PPWD1: variants seen among roughly 807,000 people sequenced by gnomAD.
PPWD1 encodes the protein peptidylprolyl isomerase domain and WD repeat-containing protein 1.
PPWD1 carries 43 observed loss-of-function variants against 68.8 expected under a neutral mutation model. The ratio of observed to expected loss-of-function variants is 0.62; its 90% CI spans 0.49 to 0.81. The LOEUF is 0.81. Among genes scored for constraint, PPWD1 ranks in the 30% least tolerant of loss-of-function variants. The pLI is 0.00. For synonymous variants in PPWD1, 232 were observed against 258.7 expected, an observed-to-expected ratio of 0.90 and a Z score of 0.99; for missense variants, 672 against 804.8, an observed-to-expected ratio of 0.83 and a Z score of 2.00.
chr5:65,571,042 C>T (rs1473661473), intron 4 of PPWD1, among the ~76,000 whole-genome samples: 1 of 152,142 alleles, frequency 6.6e-6, no homozygotes, highest in Non-Finnish European at 1.5e-5. Context: ...CTGTCTTGAT[C>T]ACCTGTCCTA....
intron 7 of PPWD1, among the ~76,000 whole-genome samples, chr5:65,582,231 C>T: frequency 6.6e-6 from 1 of 152,152 alleles, no homozygotes; most frequent in East Asian, 1.9e-4. Context: ...AGCATTTCTA[C>T]TTAAAGAAAC....
intron 8 of PPWD1, among the ~76,000 whole-genome samples, chr5:65,583,792 A>AT (rs869164829): frequency 9.2e-5 from 14 of 151,916 alleles, no homozygotes; most frequent in East Asian, 7.7e-4. Context: ...CTTAAAAAAA[A>AT]TTTTTTTTTA....
chr5:65,583,306 G>A (rs555057384), intron 8 of PPWD1, 87 bp downstream of exon 8: 32 of 1,269,612 alleles, frequency 2.5e-5, no homozygotes, highest in South Asian at 9.4e-5. Flanking sequence ...TAAAATTCCC[G>A]TTACTTTGAC....
At chr5:65,581,673 A>G (rs1054398317) in intron 7 of PPWD1, among the ~76,000 whole-genome samples, 3 of 152,216 alleles carry the variant, frequency 2.0e-5, no homozygotes, top group Non-Finnish European at 2.9e-5. Context: ...CAAAAAACTT[A>G]TATTTTTTCT....
At chr5:65,582,270 A>C (rs930814053) in intron 7 of PPWD1, among the ~76,000 whole-genome samples, 1 of 152,190 alleles carries the variant, frequency 6.6e-6, no homozygotes, top group African/African-American at 2.4e-5. Context: ...AGTTTTAACA[A>C]CTGAAAGGTT....
At chr5:65,574,135 G>A (rs1307110758) in intron 5 of PPWD1, among the ~76,000 whole-genome samples, 1 of 152,130 alleles carries the variant, frequency 6.6e-6, no homozygotes, top group Non-Finnish European at 1.5e-5. Context: ...TTCTAGTGGC[G>A]ATCTTGATTT....
chr5:65,574,060 C>T (rs1032876423), intron 5 of PPWD1, among the ~76,000 whole-genome samples: 1 of 152,142 alleles, frequency 6.6e-6, no homozygotes, highest in Non-Finnish European at 1.5e-5. Flanking sequence ...GTTCTTTTGT[C>T]CTTGGCAGTG....
intron 8 of PPWD1, 45 bp from the exon 9 acceptor site, chr5:65,584,969 A>G (rs1753763909): frequency 1.9e-6 from 3 of 1,591,684 alleles, no homozygotes; most frequent in Non-Finnish European, 1.7e-6. Flanking sequence ...AACTGTTTTA[A>G]GATGCTCTGA....
intron 2 of PPWD1, 161 bp downstream of exon 2, chr5:65,567,776 A>G: frequency 8.0e-7 from 1 of 1,251,182 alleles, no homozygotes; most frequent in East Asian, 2.7e-5. Flanking sequence ...TATATCGTAC[A>G]AATAATGCAT....
At chr5:65,563,945 G>T (rs1257741886) in intron 1 of PPWD1, 3 of 1,075,130 alleles carry the variant, frequency 2.8e-6, no homozygotes, top group African/African-American at 3.1e-5. Flanking sequence ...TTCGAATCAT[G>T]GTAGGTAAAG....
Position 65,586,182 on chromosome 5 carries a change from G to GT in PPWD1, c.1797+2dup, listed in dbSNP as rs2150611754. 2.5e-6 allele frequency: 4 copies of GT among 1,610,278 alleles called. No homozygotes were observed. The highest frequency in any genetic ancestry group is 3.4e-6 in the Non-Finnish European group (4 of 1,177,786). Reference sequence around the variant, plus strand: ...GTTTTTCATAACGGTAGTACCAACGGTAAGTACAGTATCATTGTTTATAAA... The same window carrying GT: ...GTTTTTCATAACGGTAGTACCAACGGTTAAGTACAGTATCATTGTTTATAAA... On this transcript the variant is annotated splice_donor_variant, in intron 10 of 10. Coordinates refer to ENST00000261308, the MANE Select transcript of PPWD1 (RefSeq NM_015342.4). LOFTEE classifies it high-confidence loss of function.
In PPWD1 at chr5:65,569,021, A is replaced by G. The variant is rs952937206; in HGVS notation, c.300-611A>G. ...CAAGTACATTTAACATTTTAAAACT[A>G]TTTCCTACTTATAAAATGATGATAA... On this transcript the variant is annotated intron_variant, in intron 2 of 10. Coordinates refer to ENST00000261308, the MANE Select transcript of PPWD1 (RefSeq NM_015342.4). The G allele has an allele frequency of 4.0e-5, 18 of 455,672 alleles. No homozygotes were observed. In the East Asian group the frequency reaches 1.3e-3, roughly 32 times the overall value. The allele number at this position is 455,672 out of a possible 1,614,324, so 28.2% of individuals were successfully genotyped here. A position where few individuals can be genotyped will look rare whatever the true frequency, so the allele number is the denominator to read the frequency against.
chr5:65,564,254 GCTCAAAT>G (rs1752540491), intron 1 of PPWD1, among the ~76,000 whole-genome samples: 2 of 150,900 alleles, frequency 1.3e-5, no homozygotes, highest in East Asian at 3.9e-4. Context: ...TGTGGTCTAA[GCTCAAAT>G]CGTACTTTAG....
chr5:65,569,501 TAAAG>T (rs1212984068), intron 2 of PPWD1, 127 bp from the exon 3 acceptor site: 1 of 1,126,064 alleles, frequency 8.9e-7, no homozygotes, highest in African/African-American at 1.6e-5. Flanking sequence ...GTGGTCTGCT[TAAAG>T]AAGGGTTTTT....
intron 7 of PPWD1, among the ~76,000 whole-genome samples, chr5:65,580,377 T>G (rs1354375346): frequency 2.0e-5 from 3 of 152,216 alleles, no homozygotes; most frequent in Non-Finnish European, 4.4e-5. Flanking sequence ...TTTCATTCAT[T>G]TGCTACACGA....
chr5:65,563,558 A>T lies in PPWD1; in HGVS notation c.196+52A>T, dbSNP rs747461501. 1.9e-6 allele frequency: 3 copies of T among 1,550,308 alleles called. No homozygotes were observed. The African/African-American group carries it at 4.1e-5, about 21-fold the overall frequency. Reference sequence around the variant, plus strand: ...AATTGGAGTGCTGCGTCCGCTGAGTAGGAGGGTTCAAGCCAGATCCGAAGA... The same window carrying T: ...AATTGGAGTGCTGCGTCCGCTGAGTTGGAGGGTTCAAGCCAGATCCGAAGA... On this transcript the variant is annotated intron_variant, in intron 1 of 10. Coordinates refer to ENST00000261308, the MANE Select transcript of PPWD1 (RefSeq NM_015342.4).
Position 65,583,053 on chromosome 5 carries a change from C to T in PPWD1, c.1366C>T (p.Pro456Ser), listed in dbSNP as rs1180955293. The change falls in exon 8 of 11, where the codon CCA (proline) becomes TCA (serine). Residue 456 changes from proline to serine, a missense_variant. Around this residue, in one of 2 missense-constraint regions of PPWD1, gnomAD observed 484 missense variants for 646.2 expected, o/e 0.75. Transcript: ENST00000261308. ...NRFYMFTKRE[P>S]EDTKSADSDR... ...CCTCCTTGAGTTTACCAAACGAGAA[C>T]CAGAAGATACGAAAAGTGCAGATTC... The T allele has an allele frequency of 1.3e-6, 2 of 1,587,772 alleles. No homozygotes were observed. Among genetic ancestry groups the T allele is most frequent in the East Asian group, 2.3e-5 (1 of 44,280 alleles).
chr5:65,568,140 A>G (rs1398335860), intron 2 of PPWD1: 2 of 152,176 alleles, frequency 1.3e-5, no homozygotes, highest in African/African-American at 2.4e-5. Flanking sequence ...GGGATGTTCA[A>G]CCAGCAAGTA....
intron 8 of PPWD1, among the ~76,000 whole-genome samples, chr5:65,584,180 A>G (rs1270640236): frequency 6.6e-6 from 1 of 152,154 alleles, no homozygotes; most frequent in African/African-American, 2.4e-5. Flanking sequence ...TTGGTACTCA[A>G]CAAATAACTA....
Sources: allele counts gnomAD v4.1 joint callset (sites outside exome capture counted in the v4.1 genomes callset), GRCh38; gene constraint gnomAD v4.1.1; regional missense constraint gnomAD v4.1.1; transcripts MANE v1.5; gene names NCBI Gene and HGNC (gene_info 2026-07-23, HGNC 2026-07-21).